HERC5: variants seen among roughly 807,000 people sequenced by gnomAD.
HERC5 encodes the protein E3 ISG15--protein ligase HERC5.
In HERC5, 99 loss-of-function variants were observed where a neutral mutation model predicts 119.6. The ratio of observed to expected loss-of-function variants is 0.83; its 90% CI spans 0.70 to 0.98. HERC5 has a LOEUF of 0.98. Ranked by LOEUF, HERC5 falls within the 50% of genes least tolerant of loss-of-function variation. The pLI is 0.00. For missense variants in HERC5, 1,267 were observed against 1,241.3 expected (o/e 1.02, Z -0.31); for synonymous variants, 478 against 445.9 (o/e 1.07, Z -0.91).
intron 3 of HERC5, among the ~76,000 whole-genome samples, chr4:88,461,781 G>A (rs553416468): frequency 9.2e-5 from 14 of 152,258 alleles, no homozygotes; most frequent in East Asian, 3.9e-4. Context: ...AAACAGTAGC[G>A]CTGGGGTTTT....
At chr4:88,488,758 T>C (rs1202319355) in intron 15 of HERC5, among the ~76,000 whole-genome samples, 1 of 152,164 alleles carries the variant, frequency 6.6e-6, no homozygotes, top group Non-Finnish European at 1.5e-5. Context: ...CCTGTTTGCT[T>C]TCTAAACATC....
Position 88,463,954 on chromosome 4 carries a change from G to A in HERC5, c.880G>A (p.Gly294Arg). Residue 294 changes from glycine (G) to arginine (R), a missense_variant, in exon 6 of 23, where the codon GGG becomes AGG. By Grantham distance (125) the Gly-to-Arg change is moderately radical (BLOSUM62 -2). Transcript: ENST00000264350. ...LRPCLVAELV[G>R]YRVTQIACGR... ...ACCCTGTTTGGTGGCTGAGCTTGTT[G>A]GGTATAGAGTGACTCAGATAGCATG... 1 of 1,613,764 alleles carries A rather than the reference G, an allele frequency of 6.2e-7. No individual in the cohort carries two copies. The highest frequency in any genetic ancestry group is 8.5e-7 in the Non-Finnish European group (1 of 1,179,958).
rs1303616901 is a variant in HERC5, at chr4:88,475,870, C to G, written c.1422C>G (p.Leu474=). 5 of 1,613,910 alleles carry G rather than the reference C, an allele frequency of 3.1e-6. No homozygotes were observed. The Admixed American group carries it at 8.3e-5, about 27-fold the overall frequency. The change falls in exon 12 of 23, where the codon CTC becomes CTG. Residue 474 remains leucine (L), a synonymous_variant. Transcript: ENST00000264350. Reference sequence around the variant, plus strand: ...CCACCTGCCTCAAAGATAATCTGCTCAAAAGACTTCCATTTCATTCTCCAC... The same window carrying G: ...CCACCTGCCTCAAAGATAATCTGCTGAAAAGACTTCCATTTCATTCTCCAC... The part of the protein sequence containing the change: ...MITTCLKDNL[L]KRLPFHSPPQ...
intron 6 of HERC5, among the ~76,000 whole-genome samples, chr4:88,465,233 A>T (rs1740619086): frequency 6.6e-6 from 1 of 152,134 alleles, no homozygotes; most frequent in African/African-American, 2.4e-5. Flanking sequence ...TTTGATTATC[A>T]GATATATCAG....
At chr4:88,492,429 GT>G in intron 16 of HERC5, among the ~76,000 whole-genome samples, 1 of 151,938 alleles carries the variant, frequency 6.6e-6, no homozygotes, top group Middle Eastern at 3.4e-3. Flanking sequence ...AGGCTCTGGG[GT>G]TTGACTGATA....
chr4:88,467,323 C>T lies in HERC5; in HGVS notation c.1057+119C>T, dbSNP rs1178013245. ...ACTATGAAGGGAGTTTCTCTAAATA[C>T]TGGTTTCATTTTTTACTGGTAAACA... On this transcript the variant is annotated intron_variant, in intron 7 of 22. Transcript: ENST00000264350. 9 of 1,014,526 alleles carry T rather than the reference C, an allele frequency of 8.9e-6. No individual in the cohort carries two copies. The East Asian group carries it at 2.2e-4, about 25-fold the overall frequency. 62.8% of individuals were successfully genotyped at this position (1,014,526 alleles called of 1,614,324 possible). A position where few individuals can be genotyped will look rare whatever the true frequency, so the allele number is the denominator to read the frequency against.
At chr4:88,484,771 C>T (rs1403058381) in intron 13 of HERC5, among the ~76,000 whole-genome samples, 2 of 152,198 alleles carry the variant, frequency 1.3e-5, no homozygotes, top group Non-Finnish European at 2.9e-5. Flanking sequence ...CCTCCTTTCC[C>T]CAAAGCCCCA....
chr4:88,462,173 C>T lies in HERC5; in HGVS notation c.505C>T (p.Gln169Ter), dbSNP rs778626830. The change falls in exon 4 of 23, where the codon CAG (glutamine) becomes TAG (stop). Residue 169 changes from glutamine to a stop codon, truncating the protein, a stop_gained. Transcript: ENST00000264350. LOFTEE classifies it high-confidence loss of function. ...LFAWGQNLHG[Q>*]LGVGRKFPST... ...TGCCTGGGGACAGAACCTGCATGGG[C>T]AGCTTGGAGTTGGAAGGAAATTTCC... The T allele has an allele frequency of 1.6e-5, 26 of 1,613,968 alleles. No individual in the cohort carries two copies. The highest frequency in any genetic ancestry group is 2.1e-5 in the Non-Finnish European group (25 of 1,180,006).
At chr4:88,493,877 G>T (rs2149105650) in intron 17 of HERC5, among the ~76,000 whole-genome samples, 1 of 151,834 alleles carries the variant, frequency 6.6e-6, no homozygotes, top group Middle Eastern at 3.4e-3. Context: ...ACCTCCCAAA[G>T]TTCTGGGATT....
At chr4:88,498,121 AT>A (rs1307213178) in intron 18 of HERC5, among the ~76,000 whole-genome samples, 1 of 152,126 alleles carries the variant, frequency 6.6e-6, no homozygotes, top group African/African-American at 2.4e-5. Flanking sequence ...CCACCTAGAT[AT>A]CAAAGGATAC....
At chr4:88,491,507 C>T (rs747481300) in intron 16 of HERC5, among the ~76,000 whole-genome samples, 22 of 152,060 alleles carry the variant, frequency 1.4e-4, no homozygotes, top group Admixed American at 8.5e-4. Flanking sequence ...TAAATAAAAC[C>T]GTGAAGAGTG....
At chr4:88,490,231 GTT>G (rs1374743423) in intron 16 of HERC5, among the ~76,000 whole-genome samples, 1 of 152,130 alleles carries the variant, frequency 6.6e-6, no homozygotes, top group African/African-American at 2.4e-5. Context: ...GGCAAGAACT[GTT>G]TTAAGTGCCT....
intron 19 of HERC5, among the ~76,000 whole-genome samples, 182 bp from the exon 20 acceptor site, chr4:88,500,733 T>A (rs1048202400): frequency 1.3e-5 from 2 of 152,230 alleles, no homozygotes; most frequent in Non-Finnish European, 2.9e-5. Context: ...TTTGAAAAAA[T>A]TTATTTTTAT....
At chr4:88,475,470 C>T (rs1173020967) in intron 11 of HERC5, among the ~76,000 whole-genome samples, 4 of 151,712 alleles carry the variant, frequency 2.6e-5, no homozygotes, top group Admixed American at 1.3e-4. Flanking sequence ...AGGCACGCAC[C>T]GTCACGCCCA....
At chr4:88,489,045 T>G in intron 15 of HERC5, 121 bp from the exon 16 acceptor site, 2 of 695,316 alleles carry the variant, frequency 2.9e-6, no homozygotes, top group Middle Eastern at 2.6e-4. Flanking sequence ...GCATATAAGG[T>G]TCTTTTCATA....
At position 88,475,880 on chromosome 4, in the gene HERC5, C is replaced by T. The variant is rs753255642; in HGVS notation, c.1432C>T (p.Pro478Ser). 8.1e-6 allele frequency: 13 copies of T among 1,613,928 alleles called. 1 individual carries two copies. In the African/African-American group the frequency reaches 1.6e-4, roughly 20 times the overall value. Reference sequence around the variant, plus strand: ...CAAAGATAATCTGCTCAAAAGACTTCCATTTCATTCTCCACCCCAAGAAGC... The same window carrying T: ...CAAAGATAATCTGCTCAAAAGACTTTCATTTCATTCTCCACCCCAAGAAGC... ...CLKDNLLKRL[P>S]FHSPPQEALE... The change falls in exon 12 of 23, where the codon CCA becomes TCA. Residue 478 changes from proline to serine, a missense_variant. This residue lies in a region of HERC5 where 777 missense variants were observed against 758.0 expected (regional missense o/e 1.03). Coordinates refer to ENST00000264350, the MANE Select transcript of HERC5 (RefSeq NM_016323.4).
intron 16 of HERC5, 58 bp from the exon 17 acceptor site, chr4:88,492,954 T>C: frequency 6.5e-7 from 1 of 1,530,596 alleles, no homozygotes; most frequent in Non-Finnish European, 8.9e-7. Flanking sequence ...TAAATGAGAC[T>C]TCATATATAG....
chr4:88,494,373 A>G (rs929719530), intron 18 of HERC5, 42 bp downstream of exon 18: 5 of 1,517,490 alleles, frequency 3.3e-6, no homozygotes, highest in East Asian at 2.3e-5. Flanking sequence ...TTTCTAACAT[A>G]TATTTAGGCA....
At chr4:88,489,110 C>T in intron 15 of HERC5, 56 bp from the exon 16 acceptor site, 1 of 1,478,988 alleles carries the variant, frequency 6.8e-7, no homozygotes, top group South Asian at 1.3e-5. Context: ...CAAATTTTTA[C>T]TTAGAGAGGG....
Sources: allele counts gnomAD v4.1 joint callset (sites outside exome capture counted in the v4.1 genomes callset), GRCh38; gene constraint gnomAD v4.1.1; regional missense constraint gnomAD v4.1.1; transcripts MANE v1.5; gene names NCBI Gene and HGNC (gene_info 2026-07-23, HGNC 2026-07-21).